The following CIMIP7 variants were observed in gnomAD, a reference collection of about 807,000 sequenced individuals.
CIMIP7 encodes the protein uncharacterized protein C3orf84.
the CIMIP7 span, among the ~76,000 whole-genome samples, chr3:49,185,975 G>T: frequency 1.3e-5 from 2 of 150,616 alleles, no homozygotes; most frequent in Admixed American, 6.6e-5. Flanking sequence ...GTGAGTCACC[G>T]CGCCCGGCTA....
chr3:49,184,157 C>T, the CIMIP7 span, among the ~76,000 whole-genome samples: 1 of 152,102 alleles, frequency 6.6e-6, no homozygotes, highest in Non-Finnish European at 1.5e-5. Flanking sequence ...GCCATCATGC[C>T]TGGCTAATTG....
the CIMIP7 span, among the ~76,000 whole-genome samples, chr3:49,188,190 T>A: frequency 6.6e-6 from 1 of 152,242 alleles, no homozygotes; most frequent in Non-Finnish European, 1.5e-5. Flanking sequence ...CAGGCAGCCC[T>A]TGCAAGTGTA....
the CIMIP7 span, among the ~76,000 whole-genome samples, chr3:49,183,822 G>A: frequency 6.6e-6 from 1 of 152,146 alleles, no homozygotes; most frequent in Non-Finnish European, 1.5e-5. Flanking sequence ...CTGGAATCAG[G>A]TCAGATATCC....
the CIMIP7 span, chr3:49,177,979 A>G: frequency 6.8e-6 from 11 of 1,613,222 alleles, no homozygotes; most frequent in East Asian, 1.3e-4. Context: ...TGCCCAGCGC[A>G]GGAAGGTGTG....
the CIMIP7 span, among the ~76,000 whole-genome samples, chr3:49,183,697 C>T: frequency 1.3e-5 from 2 of 152,184 alleles, no homozygotes. Context: ...ATGCAACTAC[C>T]ACATGACCCA....
the CIMIP7 span, chr3:49,191,837 G>A: frequency 2.0e-6 from 3 of 1,483,428 alleles, no homozygotes; most frequent in Non-Finnish European, 2.7e-6. Context: ...CTTCAGGAAA[G>A]AGAATCTCTG....
the CIMIP7 span, among the ~76,000 whole-genome samples, chr3:49,182,796 C>T: frequency 6.6e-5 from 10 of 152,282 alleles, no homozygotes; most frequent in Admixed American, 3.9e-4. Flanking sequence ...GGCTGCAGGT[C>T]CCGAGCCCTG....
At chr3:49,191,791 A>C in the CIMIP7 span, 2 of 1,547,706 alleles carry the variant, frequency 1.3e-6, no homozygotes, top group African/African-American at 2.7e-5. Context: ...AAGGGAGCAG[A>C]AAAGGCAAAC....
At chr3:49,188,627 C>A in the CIMIP7 span, among the ~76,000 whole-genome samples, 1 of 152,112 alleles carries the variant, frequency 6.6e-6, no homozygotes, top group Non-Finnish European at 1.5e-5. Context: ...CCATGCCTCC[C>A]CCTTGTCCCC....
the CIMIP7 span, chr3:49,189,784 G>T: frequency 1.5e-6 from 1 of 650,660 alleles, no homozygotes; most frequent in Non-Finnish European, 2.9e-6. Context: ...TACCCACCCC[G>T]GCTAGGCCCT....
At chr3:49,190,498 T>A in the CIMIP7 span, among the ~76,000 whole-genome samples, 1 of 110,214 alleles carries the variant, frequency 9.1e-6, no homozygotes, top group African/African-American at 3.5e-5. Context: ...CTCTCCACAA[T>A]TTTTTTTTTT....
chr3:49,181,961 G>T, the CIMIP7 span, among the ~76,000 whole-genome samples: 9 of 151,970 alleles, frequency 5.9e-5, no homozygotes, highest in East Asian at 1.7e-3. Flanking sequence ...TCGTGGTCTC[G>T]CTGGCTCAGG....
At chr3:49,185,275 A>G in the CIMIP7 span, among the ~76,000 whole-genome samples, 17 of 149,710 alleles carry the variant, frequency 1.1e-4, no homozygotes, top group Middle Eastern at 3.6e-3. Flanking sequence ...AAAAAAAAAA[A>G]TTACATAGAC....
At chr3:49,178,118 A>C in the CIMIP7 span, 7 of 1,417,448 alleles carry the variant, frequency 4.9e-6, no homozygotes, top group Non-Finnish European at 6.6e-6. Context: ...GCCCCTCCTA[A>C]CCCCAAGTCT....
At chr3:49,183,276 GACA>G in the CIMIP7 span, among the ~76,000 whole-genome samples, 1 of 152,240 alleles carries the variant, frequency 6.6e-6, no homozygotes, top group Admixed American at 6.5e-5. Flanking sequence ...TGAAAATGGA[GACA>G]ACATCAGGTA....
At chr3:49,191,604 G>A in the CIMIP7 span, 1 of 891,356 alleles carries the variant, frequency 1.1e-6, no homozygotes, top group Non-Finnish European at 1.9e-6. Context: ...TCAAGATGGT[G>A]GAGAGGAAGT....
At chr3:49,182,009 C>A in the CIMIP7 span, among the ~76,000 whole-genome samples, 1 of 152,074 alleles carries the variant, frequency 6.6e-6, no homozygotes, top group African/African-American at 2.4e-5. Flanking sequence ...TGTTACAGCT[C>A]TTCAGGCGGC....
At chr3:49,190,980 A>G in the CIMIP7 span, among the ~76,000 whole-genome samples, 1 of 152,074 alleles carries the variant, frequency 6.6e-6, no homozygotes, top group Non-Finnish European at 1.5e-5. Context: ...AGAGAATTTC[A>G]GAGAGAGGAA....
At chr3:49,187,784 G>A in the CIMIP7 span, among the ~76,000 whole-genome samples, 2 of 152,174 alleles carry the variant, frequency 1.3e-5, no homozygotes, top group African/African-American at 4.8e-5. Context: ...AAGAAAATGT[G>A]CAACTTCTCT....
Sources: gnomAD v4.1 joint callset for allele counts (sites outside exome capture counted in the v4.1 genomes callset) on GRCh38, gnomAD v4.1.1 for gene constraint, MANE v1.5 for transcripts, NCBI Gene and HGNC (gene_info 2026-07-23, HGNC 2026-07-21) for gene names.